SYT14: variants seen among roughly 807,000 people sequenced by gnomAD.
SYT14 encodes synaptotagmin-14.
SYT14 carries 32 observed loss-of-function variants against 74.2 expected under a neutral mutation model. The ratio of observed to expected loss-of-function variants is 0.43; its 90% CI spans 0.33 to 0.58. The LOEUF is 0.58. Ranked by LOEUF, SYT14 falls within the 20% of genes least tolerant of loss-of-function variation. The probability of loss-of-function intolerance (pLI) is 0.05; values close to 1 mark genes in which losing one functional copy is unlikely to be tolerated. For missense variants in SYT14, 791 were observed against 981.8 expected, an observed-to-expected ratio of 0.81 and a Z score of 2.60; for synonymous variants, 298 against 337.7, an observed-to-expected ratio of 0.88 and a Z score of 1.29.
chr1:210,107,319 A>G (rs1220443501), intron 7 of SYT14, among the ~76,000 whole-genome samples: 1 of 152,196 alleles, frequency 6.6e-6, no homozygotes, highest in Non-Finnish European at 1.5e-5. Context: ...GGAATTATCT[A>G]TTGACAATTA....
intron 8 of SYT14, among the ~76,000 whole-genome samples, chr1:210,157,540 G>T (rs185239292): frequency 6.6e-6 from 1 of 151,446 alleles, no homozygotes; most frequent in Non-Finnish European, 1.5e-5. Context: ...TCAGGAGATC[G>T]AGACCATCTT....
At chr1:210,143,710 CCATT>C (rs2082969519) in intron 7 of SYT14, among the ~76,000 whole-genome samples, 1 of 152,008 alleles carries the variant, frequency 6.6e-6, no homozygotes, top group South Asian at 2.1e-4. Context: ...ATTTGAATGA[CCATT>C]CAGAAATAAG....
exon 10 of SYT14, chr1:210,167,487 C>T (rs904300195): frequency 1.3e-5 from 2 of 152,284 alleles, no homozygotes; most frequent in South Asian, 4.1e-4. Flanking sequence ...GTTTCCATTT[C>T]CCCTCATTTC....
At chr1:209,991,780 A>G (rs2079691290) in intron 2 of SYT14, among the ~76,000 whole-genome samples, 1 of 151,998 alleles carries the variant, frequency 6.6e-6, no homozygotes, top group South Asian at 2.1e-4. Flanking sequence ...CAGAGAGCCA[A>G]GATCACACCA....
At chr1:209,998,556 G>A (rs2079838260) in intron 2 of SYT14, among the ~76,000 whole-genome samples, 1 of 151,872 alleles carries the variant, frequency 6.6e-6, no homozygotes, top group South Asian at 2.1e-4. Flanking sequence ...CAAAATACAA[G>A]GCTATAGTAA....
Position 210,094,310 on chromosome 1 carries a change from A to G in SYT14, c.1313-12A>G. ...AATTGGAAACAGTGACCAGATTCTT[A>G]ATCATTATCAGGAAACTGCATTCAG... is the stretch of plus-strand genomic sequence containing the variant. On this transcript the variant is annotated splice_polypyrimidine_tract_variant and intron_variant, in intron 5 of 9. Transcript: ENST00000637265. 6.2e-7 allele frequency: 1 copy of G among 1,613,758 alleles called. No homozygotes were observed. Among genetic ancestry groups the G allele is most frequent in the Non-Finnish European group, 8.5e-7 (1 of 1,179,776 alleles).
intron 7 of SYT14, among the ~76,000 whole-genome samples, chr1:210,132,176 C>G (rs2200970): frequency 0.43 from 65,725 of 151,874 alleles, 16,701 homozygotes; most frequent in Non-Finnish European, 0.57. Flanking sequence ...CTCTACACCC[C>G]AGGCAAGGCC....
At chr1:210,001,220 CTAAG>C (rs1485973281) in intron 2 of SYT14, among the ~76,000 whole-genome samples, 23 of 151,520 alleles carry the variant, frequency 1.5e-4, no homozygotes, top group Admixed American at 1.1e-3. Context: ...CTTTATCAGG[CTAAG>C]TAAGTTACCT....
chr1:209,955,678 T>G (rs772034410), intron 2 of SYT14, among the ~76,000 whole-genome samples: 4 of 152,162 alleles, frequency 2.6e-5, no homozygotes, highest in Admixed American at 6.5e-5. Context: ...TGGATTCTCA[T>G]TATACCTCAA....
At chr1:209,955,732 A>G (rs887573026) in intron 2 of SYT14, among the ~76,000 whole-genome samples, 2 of 152,148 alleles carry the variant, frequency 1.3e-5, no homozygotes, top group Non-Finnish European at 2.9e-5. Context: ...TATAGTATCA[A>G]CTCGGAGTCC....
intron 5 of SYT14, among the ~76,000 whole-genome samples, chr1:210,084,419 T>A (rs1241427273): frequency 6.6e-6 from 1 of 152,216 alleles, no homozygotes; most frequent in Non-Finnish European, 1.5e-5. Context: ...CAAGCCCATG[T>A]ATTTTTGTAG....
intron 7 of SYT14, among the ~76,000 whole-genome samples, chr1:210,133,250 A>T (rs1057170519): frequency 2.0e-5 from 3 of 152,196 alleles, no homozygotes; most frequent in African/African-American, 7.2e-5. Context: ...AATCAGACTC[A>T]GTTTGGGAGG....
chr1:210,113,930 T>C (rs1456855480), intron 7 of SYT14, among the ~76,000 whole-genome samples: 2 of 151,156 alleles, frequency 1.3e-5, no homozygotes, highest in Admixed American at 6.6e-5. Context: ...GCAAAGAAAA[T>C]AGGCCCTTGA....
At chr1:209,993,122 T>G (rs1438966734) in intron 2 of SYT14, among the ~76,000 whole-genome samples, 1 of 152,150 alleles carries the variant, frequency 6.6e-6, no homozygotes, top group Non-Finnish European at 1.5e-5. Context: ...GTGGGCTGGG[T>G]AGCTCTGTCA....
rs530351603 is a variant in SYT14, at chr1:210,104,724, G to T, written c.2034+4263G>T. 3.0e-4 allele frequency among the ~76,000 whole-genome samples: 45 copies of T among 152,132 alleles called. 1 individual carries two copies. The South Asian group carries it at 9.4e-3, about 32-fold the overall frequency. ...GTTAATATTATTACATTTATTGATT[G>T]ATTAATAATGAAACTCTATTCTTTA... On this transcript the variant is annotated intron_variant, in intron 7 of 9. Transcript: ENST00000637265.
chr1:210,105,315 C>T (rs1300572909), intron 7 of SYT14, among the ~76,000 whole-genome samples: 6 of 152,196 alleles, frequency 3.9e-5, no homozygotes, highest in Non-Finnish European at 8.8e-5. Context: ...GCAAAAGCAG[C>T]ATAGATTACC....
chr1:210,052,090 G>A (rs1489218686), intron 5 of SYT14, among the ~76,000 whole-genome samples: 4 of 152,122 alleles, frequency 2.6e-5, no homozygotes, highest in African/African-American at 9.7e-5. Flanking sequence ...ACAATAACTT[G>A]TTAAATTCTT....
At chr1:209,953,216 G>A (rs1189322133) in intron 2 of SYT14, 2 of 1,287,366 alleles carry the variant, frequency 1.6e-6, no homozygotes, top group East Asian at 1.1e-4. Context: ...CTTAGAAGGA[G>A]CCACCTGACA....
chr1:209,946,290 G>T (rs1488575934), intron 1 of SYT14, among the ~76,000 whole-genome samples: 4 of 152,222 alleles, frequency 2.6e-5, no homozygotes, highest in East Asian at 3.8e-4. Flanking sequence ...AGTGAGGAAG[G>T]CATGTTAAAA....
Sources: allele counts gnomAD v4.1 joint callset (sites outside exome capture counted in the v4.1 genomes callset), GRCh38; gene constraint gnomAD v4.1.1; transcripts MANE v1.5; gene names NCBI Gene and HGNC (gene_info 2026-07-23, HGNC 2026-07-21).